Variants in PPP1R16B observed in about 807,000 individuals in gnomAD.
The protein encoded by PPP1R16B is protein phosphatase 1 regulatory subunit 16B.
In PPP1R16B, 14 loss-of-function variants were observed where a neutral mutation model predicts 61.7. That is an observed-to-expected ratio of 0.23 (90% CI 0.15 to 0.35). The LOEUF is 0.35. Among genes scored for constraint, PPP1R16B ranks in the 10% least tolerant of loss-of-function variants. The pLI, the probability that PPP1R16B is intolerant of heterozygous loss-of-function variation, is 1.00. For synonymous variants in PPP1R16B, 266 were observed against 305.3 expected (o/e 0.87, Z 1.34); for missense variants, 547 against 752.5 (o/e 0.73, Z 3.19).
At chr20:38,886,992 A>G (rs1410881881) in intron 2 of PPP1R16B, among the ~76,000 whole-genome samples, 2 of 152,204 alleles carry the variant, frequency 1.3e-5, no homozygotes, top group Non-Finnish European at 2.9e-5. Flanking sequence ...AGCTATGGGT[A>G]TATATAACAG....
At position 38,919,677 on chromosome 20, in the gene PPP1R16B, G is replaced by A. The variant is rs1043291442; in HGVS notation, c.*1011G>A. 3.3e-5 allele frequency: 5 copies of A among 152,138 alleles called. No homozygotes were observed. The East Asian group carries it at 9.7e-4, about 29-fold the overall frequency. 9.4% of individuals were successfully genotyped at this position (152,138 alleles called of 1,614,324 possible). Reference sequence around the variant, plus strand: ...GCTTCCATTGGAATGCTTTTCCAGGGAGAGAGGCCAGTTAATTTAAAAAAA... The same window carrying A: ...GCTTCCATTGGAATGCTTTTCCAGGAAGAGAGGCCAGTTAATTTAAAAAAA... On this transcript the variant is annotated 3_prime_UTR_variant, in exon 11 of 11. Coordinates refer to ENST00000299824, the MANE Select transcript of PPP1R16B (RefSeq NM_015568.4).
intron 3 of PPP1R16B, among the ~76,000 whole-genome samples, chr20:38,895,109 AG>A (rs1453779772): frequency 2.0e-5 from 3 of 152,154 alleles, no homozygotes; most frequent in Non-Finnish European, 4.4e-5. Context: ...CTGCCAGGAA[AG>A]GGGACACCCT....
chr20:38,823,195 C>A (rs891849298), intron 1 of PPP1R16B, among the ~76,000 whole-genome samples: 1 of 152,160 alleles, frequency 6.6e-6, no homozygotes, highest in African/African-American at 2.4e-5. Flanking sequence ...GACTTCAAAA[C>A]CTGCCTATGG....
intron 1 of PPP1R16B, among the ~76,000 whole-genome samples, chr20:38,828,643 T>C (rs1207266948): frequency 6.6e-6 from 1 of 152,202 alleles, no homozygotes; most frequent in African/African-American, 2.4e-5. Context: ...GGAGCAACTG[T>C]GTGTTGTGCT....
chr20:38,864,311 G>A (rs150534579), intron 2 of PPP1R16B, among the ~76,000 whole-genome samples: 5 of 152,256 alleles, frequency 3.3e-5, no homozygotes, highest in African/African-American at 1.2e-4. Flanking sequence ...AAACTGAAAT[G>A]TACATTTTTA....
At chr20:38,832,211 T>C (rs1267412344) in intron 1 of PPP1R16B, among the ~76,000 whole-genome samples, 1 of 152,210 alleles carries the variant, frequency 6.6e-6, no homozygotes, top group Non-Finnish European at 1.5e-5. Context: ...AAAATGGGCA[T>C]GATAGTACCT....
intron 3 of PPP1R16B, among the ~76,000 whole-genome samples, chr20:38,889,974 C>T (rs1014215462): frequency 1.5e-4 from 23 of 152,232 alleles, no homozygotes; most frequent in Non-Finnish European, 2.8e-4. Flanking sequence ...TGACAGTGTA[C>T]GAAGCACATT....
intron 10 of PPP1R16B, among the ~76,000 whole-genome samples, chr20:38,911,319 A>G (rs2085488143): frequency 6.6e-6 from 1 of 150,840 alleles, no homozygotes; most frequent in Non-Finnish European, 1.5e-5. Flanking sequence ...GGTGCCCACC[A>G]TCACGCCCAG....
chr20:38,899,914 A>G (rs1268128105), intron 4 of PPP1R16B, among the ~76,000 whole-genome samples: 1 of 151,906 alleles, frequency 6.6e-6, no homozygotes, highest in Non-Finnish European at 1.5e-5. Flanking sequence ...CTCATGCCTC[A>G]GCCTCCCGAA....
rs150797113 is a variant in PPP1R16B, at chr20:38,894,909, G to A, written c.322-656G>A. Among the ~76,000 whole-genome samples the A allele has an allele frequency of 3.3e-4, 50 of 152,328 alleles. No individual in the cohort carries two copies. In the East Asian group the frequency reaches 6.6e-3, roughly 20 times the overall value. ...GCCCCACGTGCCATCACTGCAGCAT[G>A]TAGGCAGGAACACAAACATGGCTGT... is the stretch of plus-strand genomic sequence containing the variant. On this transcript the variant is annotated intron_variant, in intron 3 of 10. Coordinates refer to ENST00000299824, the MANE Select transcript of PPP1R16B (RefSeq NM_015568.4).
At chr20:38,866,629 G>A (rs1374661173) in intron 2 of PPP1R16B, among the ~76,000 whole-genome samples, 1 of 152,176 alleles carries the variant, frequency 6.6e-6, no homozygotes, top group African/African-American at 2.4e-5. Context: ...CCGCCATGCA[G>A]GAGATGGCCT....
rs199830283 is a variant in PPP1R16B, at chr20:38,900,590, C to T, written c.477C>T (p.Asp159=). 111 of 1,602,304 alleles carry T rather than the reference C, an allele frequency of 6.9e-5. No homozygotes were observed. In the East Asian group the frequency reaches 2.4e-3, roughly 35 times the overall value. The change falls in exon 5 of 11, where the codon GAC becomes GAT. Residue 159 remains aspartate (D), a synonymous_variant. Coordinates refer to ENST00000299824, the MANE Select transcript of PPP1R16B (RefSeq NM_015568.4). ...LVKILVQYGA[D]LLAVNSDGNM... Reference sequence around the variant, plus strand: ...GCCTCTTTCTCTGCAGTGGGGCCGACTTGCTTGCTGTCAACTCGGATGGGA... The same window carrying T: ...GCCTCTTTCTCTGCAGTGGGGCCGATTTGCTTGCTGTCAACTCGGATGGGA...
chr20:38,811,811 C>A (rs1028886718), intron 1 of PPP1R16B, among the ~76,000 whole-genome samples: 2 of 152,138 alleles, frequency 1.3e-5, no homozygotes, highest in Non-Finnish European at 2.9e-5. Flanking sequence ...CTGTGGTGCA[C>A]AGGAGAGCAC....
rs1372632510 is a variant in PPP1R16B, at chr20:38,883,248, G to A, written c.251-6347G>A. Among the ~76,000 whole-genome samples the A allele has an allele frequency of 3.9e-5, 6 of 152,256 alleles. No homozygotes were observed. The East Asian group carries it at 1.2e-3, about 29-fold the overall frequency. ...CTGCCTGGCTGTCTCCGTTTCCCCA[G>A]AGGAGGAGCAGGAGCCACGCCTATG... is the stretch of plus-strand genomic sequence containing the variant. On this transcript the variant is annotated intron_variant, in intron 2 of 10. Coordinates refer to ENST00000299824, the MANE Select transcript of PPP1R16B (RefSeq NM_015568.4).
At chr20:38,829,058 G>C (rs1419428371) in intron 1 of PPP1R16B, among the ~76,000 whole-genome samples, 3 of 152,170 alleles carry the variant, frequency 2.0e-5, no homozygotes, top group African/African-American at 4.8e-5. Context: ...CTGGAGCTGA[G>C]TCTCTGCTTC....
At chr20:38,837,384 T>C (rs1601246218) in intron 2 of PPP1R16B, among the ~76,000 whole-genome samples, 1 of 152,150 alleles carries the variant, frequency 6.6e-6, no homozygotes, top group African/African-American at 2.4e-5. Context: ...ATTAGTATAT[T>C]TTATTTACAT....
intron 2 of PPP1R16B, among the ~76,000 whole-genome samples, chr20:38,858,153 C>T (rs966719401): frequency 1.3e-5 from 2 of 152,122 alleles, no homozygotes; most frequent in African/African-American, 4.8e-5. Flanking sequence ...ATGACCTCAT[C>T]TAAAACTATC....
chr20:38,837,378 G>A (rs2084878810), intron 2 of PPP1R16B, among the ~76,000 whole-genome samples: 1 of 151,896 alleles, frequency 6.6e-6, no homozygotes, highest in Non-Finnish European at 1.5e-5. Context: ...TATTATATTA[G>A]TATATTTTAT....
intron 4 of PPP1R16B, among the ~76,000 whole-genome samples, chr20:38,898,295 C>T (rs557928571): frequency 3.3e-5 from 5 of 152,208 alleles, no homozygotes; most frequent in South Asian, 2.1e-4. Flanking sequence ...ATCATTTAAC[C>T]GTGTATGTGA....
Sources: allele counts gnomAD v4.1 joint callset (sites outside exome capture counted in the v4.1 genomes callset), GRCh38; gene constraint gnomAD v4.1.1; transcripts MANE v1.5; gene names NCBI Gene and HGNC (gene_info 2026-07-23, HGNC 2026-07-21).